Variants in XXYLT1 observed in about 807,000 individuals in gnomAD.
The protein encoded by XXYLT1 is xyloside xylosyltransferase 1, also known as UDP-xylose:alpha-xyloside alpha-1,3-xylosyltransferase.
In XXYLT1, 20 loss-of-function variants were observed where a neutral mutation model predicts 28.9. The ratio of observed to expected loss-of-function variants is 0.69; its 90% confidence interval spans 0.49 to 1.00. The LOEUF (loss-of-function observed/expected upper bound fraction) is 1.00, where lower values mean the gene tolerates loss of function less well. Among genes scored for constraint, XXYLT1 ranks in the 50% least tolerant of loss-of-function variants. The probability of loss-of-function intolerance (pLI) is 0.00; values close to 1 mark genes in which losing one functional copy is unlikely to be tolerated. For missense variants in XXYLT1, 542 were observed against 560.1 expected (o/e 0.97, Z 0.33); for synonymous variants, 257 against 253.8 (o/e 1.01, Z -0.12).
At chr3:195,088,355 C>G (rs568335071) in intron 3 of XXYLT1, among the ~76,000 whole-genome samples, 134 of 147,000 alleles carry the variant, frequency 9.1e-4, no homozygotes, top group Middle Eastern at 3.5e-3. Flanking sequence ...GGCAGACTGC[C>G]TCCTCAAGTG....
intron 2 of XXYLT1, among the ~76,000 whole-genome samples, chr3:195,188,421 T>G (rs556731330): frequency 1.3e-5 from 2 of 152,342 alleles, no homozygotes; most frequent in African/African-American, 4.8e-5. Context: ...GTTACCACCC[T>G]CATCCTAGAA....
intron 1 of XXYLT1, among the ~76,000 whole-genome samples, chr3:195,267,265 C>T (rs1322268029): frequency 6.6e-6 from 1 of 152,208 alleles, no homozygotes; most frequent in Non-Finnish European, 1.5e-5. Context: ...GAAGAGGAGC[C>T]CCCAGGCTAT....
At position 195,078,940 on chromosome 3, in the gene XXYLT1, T is replaced by A. The variant is rs1715275274; in HGVS notation, c.786-8829A>T. On this transcript the variant is annotated intron_variant, in intron 3 of 3. Transcript: ENST00000310380. The surrounding 1 kb of genome is among the most constrained non-coding windows in gnomAD (Gnocchi z 5.0). ...CCTAAGCTACCCACTCGGCTCTCCA[T>A]GAACTTTGCGACCAGACGCACTCTG... 2.6e-5 allele frequency among the ~76,000 whole-genome samples: 4 copies of A among 152,300 alleles called. No homozygotes were observed. The South Asian group carries it at 8.3e-4, about 32-fold the overall frequency.
intron 1 of XXYLT1, among the ~76,000 whole-genome samples, chr3:195,262,340 C>T (rs1041155926): frequency 2.0e-5 from 3 of 152,038 alleles, no homozygotes; most frequent in Non-Finnish European, 4.4e-5. Context: ...GACAGGAGGA[C>T]GGAGGGTGAT....
chr3:195,138,143 C>T (rs566801757), intron 3 of XXYLT1, among the ~76,000 whole-genome samples: 17 of 152,292 alleles, frequency 1.1e-4, no homozygotes, highest in Admixed American at 5.2e-4. Flanking sequence ...TCCACAATGG[C>T]AATAAGAGAA....
rs1577111076 is a variant in XXYLT1 at position 195,176,583 on chromosome 3, G to A, written c.653-20002C>T. Reference sequence around the variant, plus strand: ...TGGTATAATTTGATTAATTTATCGTGTTTATTAAGCTCCCTAGCTTCTCCA... The same window carrying A: ...TGGTATAATTTGATTAATTTATCGTATTTATTAAGCTCCCTAGCTTCTCCA... On this transcript the variant is annotated intron_variant, in intron 2 of 3. Coordinates refer to ENST00000310380, the MANE Select transcript of XXYLT1 (RefSeq NM_152531.5). The surrounding 1 kb of genome is among the most constrained non-coding windows in gnomAD (Gnocchi z 4.9). 6.6e-6 allele frequency among the ~76,000 whole-genome samples: 1 copy of A among 152,290 alleles called. No individual in the cohort carries two copies. Among genetic ancestry groups the A allele is most frequent in the Non-Finnish European group, 1.5e-5 (1 of 68,030 alleles).
At chr3:195,203,960 C>A (rs1722957161) in intron 2 of XXYLT1, among the ~76,000 whole-genome samples, 1 of 152,204 alleles carries the variant, frequency 6.6e-6, no homozygotes, top group African/African-American at 2.4e-5. Flanking sequence ...TCAGACACAG[C>A]CCTAAAGGAG....
chr3:195,191,732 A>G (rs1187846621), intron 2 of XXYLT1, among the ~76,000 whole-genome samples: 3 of 152,270 alleles, frequency 2.0e-5, no homozygotes, highest in Admixed American at 2.0e-4. Context: ...TGTATTAACA[A>G]GAGACACAAC....
chr3:195,204,186 T>TA (rs1722968108), intron 2 of XXYLT1, among the ~76,000 whole-genome samples: 1 of 151,540 alleles, frequency 6.6e-6, no homozygotes, highest in South Asian at 2.1e-4. Context: ...CTACTAAACA[T>TA]ACAAAGATTA....
intron 3 of XXYLT1, among the ~76,000 whole-genome samples, chr3:195,090,022 T>C (rs1476999226): frequency 3.4e-5 from 5 of 148,718 alleles, no homozygotes; most frequent in African/African-American, 1.2e-4. Context: ...CCAAGATTCA[T>C]AAAGCAAGTC....
In XXYLT1 at chr3:195,069,612, G is replaced by A. The variant is rs1714676838; in HGVS notation, c.*103C>T. The A allele has an allele frequency of 1.4e-6, 2 of 1,466,066 alleles. No homozygotes were observed. Among genetic ancestry groups the A allele is most frequent in the Non-Finnish European group, 1.8e-6 (2 of 1,099,600 alleles). 90.8% of individuals were successfully genotyped at this position (1,466,066 alleles called of 1,614,324 possible). ...AGCACCTTAATCACAGGACTTCCCT[G>A]CGGTGTCTCTCTAGCGGGTCAGACA... On this transcript the variant is annotated 3_prime_UTR_variant, in exon 4 of 4. Coordinates refer to ENST00000310380, the MANE Select transcript of XXYLT1 (RefSeq NM_152531.5).
intron 1 of XXYLT1, among the ~76,000 whole-genome samples, chr3:195,265,234 G>C (rs1053020330): frequency 6.6e-6 from 1 of 152,060 alleles, no homozygotes. Context: ...TGTGGGCGTA[G>C]TGGCAGGCAC....
chr3:195,219,222 G>A (rs915468508), intron 2 of XXYLT1, among the ~76,000 whole-genome samples: 12 of 151,814 alleles, frequency 7.9e-5, no homozygotes, highest in African/African-American at 1.7e-4. Flanking sequence ...GCTAGATGAC[G>A]AGTTAGTGGG....
intron 3 of XXYLT1, among the ~76,000 whole-genome samples, chr3:195,073,958 G>A (rs373446207): frequency 6.6e-6 from 1 of 152,144 alleles, no homozygotes; most frequent in Non-Finnish European, 1.5e-5. Flanking sequence ...AAGGGCTCTC[G>A]AGAGAGCCGG....
chr3:195,070,041 G>A lies in XXYLT1; in HGVS notation c.856C>T (p.Pro286Ser). The A allele has an allele frequency of 6.2e-7, 1 of 1,600,664 alleles. No homozygotes were observed. The highest frequency in any genetic ancestry group is 8.5e-7 in the Non-Finnish European group (1 of 1,179,250). The part of the protein sequence containing the change: ...RVGGPPPEGL[P>S]GFNSGVMLLN... ...AACATCACCCCGCTGTTGAAGCCCG[G>A]CAGCCCCTCGGGGGGCGGGCCCCCA... Residue 286 changes from proline to serine, a missense_variant, in exon 4 of 4, where the codon CCG (proline) becomes TCG (serine). By Grantham distance (74) the Pro-to-Ser change is moderately conservative. Coordinates refer to ENST00000310380, the MANE Select transcript of XXYLT1 (RefSeq NM_152531.5).
chr3:195,082,379 C>T (rs1715484086), intron 3 of XXYLT1, among the ~76,000 whole-genome samples: 3 of 152,208 alleles, frequency 2.0e-5, no homozygotes, highest in Non-Finnish European at 4.4e-5. Flanking sequence ...CTGACACCTG[C>T]CCATCTTCTC....
Position 195,257,174 on chromosome 3 carries a change from G to A in XXYLT1, c.504+13381C>T, listed in dbSNP as rs9872324. Among the ~76,000 whole-genome samples the A allele has an allele frequency of 1.8e-3, 270 of 152,266 alleles. 1 individual carries two copies. The highest frequency in any genetic ancestry group is 6.0e-3 in the African/African-American group (251 of 41,552). ...GCAGCATGTGCACAGGACATCTGAC[G>A]GGCATCGGTGCCCAGCCATCCCACC... On this transcript the variant is annotated intron_variant, in intron 1 of 3. Transcript: ENST00000310380. This position sits in a 1 kb window ranked among gnomAD's most constrained non-coding sequence, Gnocchi z 4.3.
At position 195,162,013 on chromosome 3, in the gene XXYLT1, C is replaced by T. The variant is rs143644544; in HGVS notation, c.653-5432G>A. Among the ~76,000 whole-genome samples, 14 of 150,902 alleles carry T rather than the reference C, an allele frequency of 9.3e-5. No homozygotes were observed. The East Asian group carries it at 2.1e-3, about 23-fold the overall frequency. ...CTGAGGCAGGAGGATCACTTGAGCT[C>T]GGGAATCTGAGGCTGCAGTGAGCTG... On this transcript the variant is annotated intron_variant, in intron 2 of 3. Transcript: ENST00000310380.
intron 1 of XXYLT1, among the ~76,000 whole-genome samples, chr3:195,259,817 T>A (rs955245356): frequency 2.6e-5 from 4 of 152,076 alleles, no homozygotes; most frequent in African/African-American, 9.7e-5. Flanking sequence ...AACAGACACG[T>A]TTCCCACACT....
Sources: allele counts gnomAD v4.1 joint callset (sites outside exome capture counted in the v4.1 genomes callset), GRCh38; gene constraint gnomAD v4.1.1; non-coding constraint Gnocchi (gnomAD v3.1); transcripts MANE v1.5; gene names NCBI Gene and HGNC (gene_info 2026-07-23, HGNC 2026-07-21).